The following TOPBP1 variants were observed in gnomAD, a reference collection of about 807,000 sequenced individuals.
TOPBP1 encodes the protein DNA topoisomerase 2-binding protein 1.
In TOPBP1, 28 loss-of-function variants were observed where a neutral mutation model predicts 167.7. That is an observed-to-expected ratio of 0.17 (90% CI 0.12 to 0.23). TOPBP1 has a LOEUF of 0.23. Ranked by LOEUF, TOPBP1 falls within the 10% of genes least tolerant of loss-of-function variation. TOPBP1 has a pLI of 1.00. For missense variants in TOPBP1, 1,554 were observed against 1,809.6 expected (o/e 0.86, Z 2.56); for synonymous variants, 598 against 611.4 (o/e 0.98, Z 0.32).
intron 27 of TOPBP1, among the ~76,000 whole-genome samples, chr3:133,601,796 A>G (rs765221568): frequency 6.6e-6 from 1 of 152,202 alleles, no homozygotes; most frequent in Non-Finnish European, 1.5e-5. Context: ...CCATTTCCCA[A>G]CATAGAAATG....
chr3:133,632,005 A>T (rs1459079871), intron 14 of TOPBP1, among the ~76,000 whole-genome samples: 1 of 152,106 alleles, frequency 6.6e-6, no homozygotes, highest in East Asian at 1.9e-4. Context: ...CCAGCCATGA[A>T]AGACGTGCTC....
chr3:133,651,293 T>C (rs1936293982), intron 8 of TOPBP1, among the ~76,000 whole-genome samples: 1 of 150,642 alleles, frequency 6.6e-6, no homozygotes, highest in African/African-American at 2.4e-5. Context: ...TTCAAGTGAT[T>C]CTCCTACCTC....
intron 12 of TOPBP1, among the ~76,000 whole-genome samples, chr3:133,641,261 A>T (rs1935882077): frequency 6.6e-6 from 1 of 152,170 alleles, no homozygotes; most frequent in South Asian, 2.1e-4. Flanking sequence ...TGTATCGTAA[A>T]TTCCTTTTTA....
At chr3:133,619,014 G>A (rs763754863) in intron 20 of TOPBP1, among the ~76,000 whole-genome samples, 42 of 150,088 alleles carry the variant, frequency 2.8e-4, no homozygotes, top group Non-Finnish European at 4.7e-4. Flanking sequence ...ATGATTCCAC[G>A]TGACAGTAAA....
At chr3:133,601,900 A>G (rs1273138864) in intron 27 of TOPBP1, among the ~76,000 whole-genome samples, 1 of 152,206 alleles carries the variant, frequency 6.6e-6, no homozygotes, top group African/African-American at 2.4e-5. Context: ...ACAAAATACC[A>G]AGTAAGTGCC....
intron 12 of TOPBP1, among the ~76,000 whole-genome samples, chr3:133,640,737 C>G (rs1374737665): frequency 3.3e-5 from 5 of 152,074 alleles, no homozygotes; most frequent in Non-Finnish European, 7.4e-5. Context: ...AGTTATCACC[C>G]CCACACCTTG....
intron 6 of TOPBP1, among the ~76,000 whole-genome samples, chr3:133,654,589 A>G (rs74923523): frequency 1.5e-4 from 23 of 152,372 alleles, no homozygotes; most frequent in Admixed American, 1.2e-3. Context: ...ATAGCTTAGT[A>G]AAACACAGTA....
At chr3:133,638,225 CAAG>C in intron 13 of TOPBP1, 63 bp from the exon 14 acceptor site, 1 of 1,457,608 alleles carries the variant, frequency 6.9e-7, no homozygotes, top group Non-Finnish European at 9.5e-7. Context: ...TCCCGGTACA[CAAG>C]AAGTAATATT....
At chr3:133,613,784 CT>C (rs11393295) in intron 23 of TOPBP1, among the ~76,000 whole-genome samples, 186 of 127,252 alleles carry the variant, frequency 1.5e-3, no homozygotes, top group East Asian at 5.8e-3. Flanking sequence ...ATATCAAGGA[CT>C]TTTTTTTTTT....
chr3:133,609,304 C>T lies in TOPBP1; in HGVS notation c.4174-342G>A, dbSNP rs146420613. Among the ~76,000 whole-genome samples the T allele has an allele frequency of 8.5e-3, 1,292 of 152,176 alleles. 8 individuals carry two copies. The highest frequency in any genetic ancestry group is 0.027 in the Middle Eastern group (8 of 294). On this transcript the variant is annotated intron_variant, in intron 25 of 27. Coordinates refer to ENST00000260810, the MANE Select transcript of TOPBP1 (RefSeq NM_007027.4). The stretch of plus-strand genomic sequence containing the variant: ...AGCTCCTTAGGTTAGATGAAGCCTG[C>T]GTTTCACTTCTCTTAAAAATGTTTA...
intron 22 of TOPBP1, 47 bp downstream of exon 22, chr3:133,617,113 A>T: frequency 6.5e-7 from 1 of 1,545,766 alleles, no homozygotes; most frequent in Non-Finnish European, 8.7e-7. Flanking sequence ...AATACAGCCT[A>T]ACAGCAGTAT....
Position 133,601,302 on chromosome 3 carries a change from T to G in TOPBP1, c.4517A>C (p.Lys1506Thr). The change falls in exon 28 of 28, where the codon AAG (lysine) becomes ACG (threonine). Residue 1506 changes from lysine (K) to threonine (T), a missense_variant. Transcript: ENST00000260810. The stretch of plus-strand genomic sequence containing the variant: ...ATTTTTTTCTGTAGGAGCTTTCCTC[T>G]TTTGTGATAATCCAGTCCCAAGTTC... ...NKELGTGLSQ[K>T]RKAPTEKNKI... 6.2e-7 allele frequency: 1 copy of G among 1,608,228 alleles called. No individual in the cohort carries two copies. The highest frequency in any genetic ancestry group is 8.5e-7 in the Non-Finnish European group (1 of 1,177,934).
rs1934265439 is a variant in TOPBP1, at chr3:133,600,840, T to C, written c.*410A>G. The C allele has an allele frequency of 6.1e-6, 1 of 163,966 alleles. No homozygotes were observed. Among genetic ancestry groups the C allele is most frequent in the African/African-American group, 2.4e-5 (1 of 41,522 alleles). The allele number at this position is 163,966 out of a possible 1,614,324, so 10.2% of individuals were successfully genotyped here. ...AGGTAAAATGGTGAGAAGATAAAAATCAGGGAAAACATGAATAAATGCTGA... is the reference window on the plus strand; with the variant it reads ...AGGTAAAATGGTGAGAAGATAAAAACCAGGGAAAACATGAATAAATGCTGA... On this transcript the variant is annotated 3_prime_UTR_variant, in exon 28 of 28. Coordinates refer to ENST00000260810, the MANE Select transcript of TOPBP1 (RefSeq NM_007027.4).
intron 14 of TOPBP1, among the ~76,000 whole-genome samples, chr3:133,635,393 T>C (rs1935632197): frequency 1.3e-5 from 2 of 152,114 alleles, no homozygotes; most frequent in East Asian, 1.9e-4. Flanking sequence ...TCTAGGACTA[T>C]AGGTGCACTC....
At chr3:133,639,873 T>C (rs2107809398) in intron 13 of TOPBP1, 86 bp downstream of exon 13, 2 of 1,381,224 alleles carry the variant, frequency 1.4e-6, no homozygotes, top group Admixed American at 2.2e-5. Flanking sequence ...TCAATGACCC[T>C]TCCTAAACAC....
intron 25 of TOPBP1, 93 bp from the exon 26 acceptor site, chr3:133,609,055 C>A: frequency 9.7e-7 from 1 of 1,029,890 alleles, no homozygotes; most frequent in South Asian, 1.6e-5. Context: ...TTAGTTTTGT[C>A]AATAAATCTT....
chr3:133,650,620 C>T (rs1007840743), intron 8 of TOPBP1, among the ~76,000 whole-genome samples: 3 of 151,880 alleles, frequency 2.0e-5, no homozygotes, highest in Non-Finnish European at 2.9e-5. Context: ...ATCATTTTAC[C>T]TCTATTTTAC....
At chr3:133,609,048 G>T in intron 25 of TOPBP1, 86 bp from the exon 26 acceptor site, 1 of 1,079,684 alleles carries the variant, frequency 9.3e-7, no homozygotes, top group Non-Finnish European at 1.3e-6. Flanking sequence ...TGTAGACTTA[G>T]TTTTGTCAAT....
chr3:133,649,885 C>T lies in TOPBP1; in HGVS notation c.1148G>A (p.Ser383Asn). ...KLDKLRRLIN[S>N]GGGVRFNQLN... ...CTGGTTAAAACGAACTCCACCTCCA[C>T]TGTTAATAAGTCTTCTCAGTTTATC... is the stretch of plus-strand genomic sequence containing the variant. The change falls in exon 9 of 28, where the codon AGT (serine) becomes AAT (asparagine). Residue 383 changes from serine to asparagine, a missense_variant. This residue lies in a region of TOPBP1 where 1,197 missense variants were observed against 1,351.5 expected (regional missense o/e 0.89). Coordinates refer to ENST00000260810, the MANE Select transcript of TOPBP1 (RefSeq NM_007027.4). The T allele has an allele frequency of 6.2e-7, 1 of 1,612,418 alleles. No individual in the cohort carries two copies. The highest frequency in any genetic ancestry group is 8.5e-7 in the Non-Finnish European group (1 of 1,179,322).
Sources: allele counts gnomAD v4.1 joint callset (sites outside exome capture counted in the v4.1 genomes callset), GRCh38; gene constraint gnomAD v4.1.1; regional missense constraint gnomAD v4.1.1; transcripts MANE v1.5; gene names NCBI Gene and HGNC (gene_info 2026-07-23, HGNC 2026-07-21).